The following ST3GAL3 variants were observed in gnomAD, a reference collection of about 807,000 sequenced individuals.
The protein encoded by ST3GAL3 is CMP-N-acetylneuraminate-beta-1,4-galactoside alpha-2,3-sialyltransferase.
Under a neutral mutation model 50.1 loss-of-function variants are expected in ST3GAL3, and 21 were observed. That is an observed-to-expected ratio of 0.42 (90% CI 0.30 to 0.60). The LOEUF is 0.60. Ranked by LOEUF, ST3GAL3 falls within the 20% of genes least tolerant of loss-of-function variation. ST3GAL3 has a pLI of 0.19. For missense variants in ST3GAL3, 353 were observed against 489.4 expected (o/e 0.72, Z 2.63); for synonymous variants, 183 against 190.0 (o/e 0.96, Z 0.30).
At chr1:43,896,193 C>G (rs894600254) in intron 6 of ST3GAL3, among the ~76,000 whole-genome samples, 5 of 152,198 alleles carry the variant, frequency 3.3e-5, no homozygotes, top group South Asian at 2.1e-4. Flanking sequence ...TGAAGAATAT[C>G]TGCATCCCTG....
chr1:43,783,180 A>G, intron 2 of ST3GAL3, among the ~76,000 whole-genome samples: 2 of 152,178 alleles, frequency 1.3e-5, no homozygotes, highest in East Asian at 3.9e-4. Context: ...CCGGATTAGC[A>G]CCATGGTGGC....
At chr1:43,910,927 C>G (rs1208515039) in intron 9 of ST3GAL3, among the ~76,000 whole-genome samples, 1 of 152,126 alleles carries the variant, frequency 6.6e-6, no homozygotes, top group Non-Finnish European at 1.5e-5. Flanking sequence ...AGGGATGTGC[C>G]CACCCCAGGT....
intron 4 of ST3GAL3, among the ~76,000 whole-genome samples, chr1:43,815,883 TTGGATGGATGGATGGA>T (rs3838469): frequency 2.1e-5 from 3 of 145,282 alleles, no homozygotes; most frequent in East Asian, 2.1e-4. Flanking sequence ...GAATGCTTGG[TTGGATGGATGGATGGA>T]TGGATGGATG....
chr1:43,856,381 G>T (rs2068380100), intron 5 of ST3GAL3, among the ~76,000 whole-genome samples: 1 of 152,200 alleles, frequency 6.6e-6, no homozygotes, highest in Admixed American at 6.5e-5. Context: ...CTAACGACTT[G>T]CTCAAGGTCA....
chr1:43,926,581 G>C (rs1482761663), intron 11 of ST3GAL3, among the ~76,000 whole-genome samples: 1 of 147,542 alleles, frequency 6.8e-6, no homozygotes, highest in Admixed American at 7.0e-5. Flanking sequence ...CTCCAGCCTC[G>C]GCAACAAGAG....
chr1:43,772,461 T>TA (rs1393788650), intron 2 of ST3GAL3: 1 of 155,946 alleles, frequency 6.4e-6, no homozygotes, highest in African/African-American at 2.4e-5. Flanking sequence ...GCTCATTGCT[T>TA]ACGTCTTATT....
At chr1:43,856,871 C>T (rs927738082) in intron 5 of ST3GAL3, among the ~76,000 whole-genome samples, 2 of 152,306 alleles carry the variant, frequency 1.3e-5, no homozygotes, top group African/African-American at 2.4e-5. Context: ...TGGTATACCC[C>T]GTCTCTTTCC....
chr1:43,772,958 A>G (rs554815083), intron 2 of ST3GAL3, among the ~76,000 whole-genome samples: 210 of 152,300 alleles, frequency 1.4e-3, no homozygotes, highest in African/African-American at 4.9e-3. Context: ...CATGTTGGCC[A>G]GGATGGTCTC....
intron 1 of ST3GAL3, among the ~76,000 whole-genome samples, chr1:43,717,243 G>C (rs1667834359): frequency 6.6e-6 from 1 of 152,190 alleles, no homozygotes; most frequent in Non-Finnish European, 1.5e-5. Flanking sequence ...CTCCCTGTGT[G>C]TCCGCTGCTT....
Position 43,809,721 on chromosome 1 carries a change from G to A in ST3GAL3, c.167-5170G>A, listed in dbSNP as rs531878784. On this transcript the variant is annotated intron_variant, in intron 3 of 11. Transcript: ENST00000347631. ...CTTAAAAAAAGGAAAAGGGCCGAGCGTGGTGGTTCACGCCTGTAATCCTAG... is the reference window on the plus strand; with the variant it reads ...CTTAAAAAAAGGAAAAGGGCCGAGCATGGTGGTTCACGCCTGTAATCCTAG... 9.2e-5 allele frequency among the ~76,000 whole-genome samples: 14 copies of A among 151,944 alleles called. No individual in the cohort carries two copies. The East Asian group carries it at 2.1e-3, about 23-fold the overall frequency.
chr1:43,724,654 A>G (rs1672083599), intron 1 of ST3GAL3, among the ~76,000 whole-genome samples: 1 of 152,206 alleles, frequency 6.6e-6, no homozygotes, highest in South Asian at 2.1e-4. Flanking sequence ...GATGTTTTCT[A>G]AATGCTATGA....
intron 2 of ST3GAL3, among the ~76,000 whole-genome samples, chr1:43,749,737 A>G (rs1685282340): frequency 6.6e-6 from 1 of 152,224 alleles, no homozygotes. Flanking sequence ...CCAGTGCAAC[A>G]GTGTTGGGAG....
chr1:43,731,982 A>G (rs1333389134), intron 1 of ST3GAL3, among the ~76,000 whole-genome samples: 1 of 152,128 alleles, frequency 6.6e-6, no homozygotes, highest in African/African-American at 2.4e-5. Flanking sequence ...CCGGCCCTTA[A>G]TCTTAATTTT....
intron 1 of ST3GAL3, among the ~76,000 whole-genome samples, chr1:43,720,922 G>T (rs550987068): frequency 9.2e-5 from 14 of 152,240 alleles, no homozygotes; most frequent in African/African-American, 3.4e-4. Flanking sequence ...TATATTCCTA[G>T]GATGAAATAG....
At chr1:43,821,826 G>A (rs1045440988) in intron 4 of ST3GAL3, among the ~76,000 whole-genome samples, 51 of 152,298 alleles carry the variant, frequency 3.3e-4, no homozygotes, top group African/African-American at 1.2e-3. Context: ...AAAGTCTCAG[G>A]GGTAAAGGCT....
chr1:43,882,260 T>A (rs2075271318), intron 5 of ST3GAL3, among the ~76,000 whole-genome samples: 1 of 152,036 alleles, frequency 6.6e-6, no homozygotes, highest in Non-Finnish European at 1.5e-5. Context: ...GGAACAGTGG[T>A]ATAGAGGCAT....
rs138848975 is a variant in ST3GAL3 at position 43,777,981 on chromosome 1, C to G, written c.119-14121C>G. The stretch of plus-strand genomic sequence containing the variant: ...TATTATAGAGATACATGCACTCATA[C>G]GTTCACTGCAACACTGTTCACAAGA... On this transcript the variant is annotated intron_variant, in intron 2 of 11. Coordinates refer to ENST00000347631, the MANE Select transcript of ST3GAL3 (RefSeq NM_006279.5). 1.1e-3 allele frequency among the ~76,000 whole-genome samples: 163 copies of G among 152,230 alleles called. 1 individual carries two copies. Among genetic ancestry groups the G allele is most frequent in the African/African-American group, 3.8e-3 (158 of 41,528 alleles).
At chr1:43,728,269 A>G (rs1276490625) in intron 1 of ST3GAL3, among the ~76,000 whole-genome samples, 3 of 152,134 alleles carry the variant, frequency 2.0e-5, no homozygotes, top group African/African-American at 4.8e-5. Context: ...ACCAAGATCT[A>G]CGGAGGTTAT....
intron 5 of ST3GAL3, among the ~76,000 whole-genome samples, chr1:43,843,951 A>G (rs967372559): frequency 4.6e-5 from 7 of 152,218 alleles, no homozygotes; most frequent in African/African-American, 1.7e-4. Context: ...TTACCTATAC[A>G]TCTCGCCAAC....
Sources: gnomAD v4.1 joint callset for allele counts (sites outside exome capture counted in the v4.1 genomes callset) on GRCh38, gnomAD v4.1.1 for gene constraint, MANE v1.5 for transcripts, NCBI Gene and HGNC (gene_info 2026-07-23, HGNC 2026-07-21) for gene names.